Variants in CSTPP1 observed in about 807,000 individuals in gnomAD.
CSTPP1 encodes the protein UPF0705 protein C11orf49.
the CSTPP1 span, among the ~76,000 whole-genome samples, chr11:46,950,271 T>G: frequency 3.3e-5 from 5 of 150,970 alleles, no homozygotes; most frequent in Admixed American, 6.6e-5. Context: ...CCTCCCAGGT[T>G]CACGCCATTC....
chr11:47,090,409 G>C, the CSTPP1 span, among the ~76,000 whole-genome samples: 5 of 152,126 alleles, frequency 3.3e-5, no homozygotes, highest in Non-Finnish European at 1.5e-5. Context: ...AGGAAGTCAA[G>C]TAAGTTTGTG....
chr11:47,090,144 G>A, the CSTPP1 span, among the ~76,000 whole-genome samples: 3 of 152,114 alleles, frequency 2.0e-5, no homozygotes, highest in Admixed American at 1.3e-4. Context: ...ACCATGCCCA[G>A]CTAATTTTTT....
At chr11:47,100,101 A>G in the CSTPP1 span, among the ~76,000 whole-genome samples, 4 of 152,242 alleles carry the variant, frequency 2.6e-5, no homozygotes, top group Non-Finnish European at 4.4e-5. Flanking sequence ...TGCCTCTTCT[A>G]TAACATGAGT....
chr11:47,155,136 T>C, the CSTPP1 span: 1 of 1,429,744 alleles, frequency 7.0e-7, no homozygotes. Flanking sequence ...CTTAAACCTC[T>C]CCCCCATTCT....
the CSTPP1 span, among the ~76,000 whole-genome samples, chr11:47,003,324 C>G: frequency 6.6e-6 from 1 of 152,124 alleles, no homozygotes; most frequent in African/African-American, 2.4e-5. Context: ...GCACCTTTAA[C>G]CAGAAGATCT....
chr11:47,110,266 C>T, the CSTPP1 span, among the ~76,000 whole-genome samples: 3 of 152,300 alleles, frequency 2.0e-5, no homozygotes, highest in Non-Finnish European at 4.4e-5. Context: ...CAGAATCTAG[C>T]ACAGTCCCTG....
the CSTPP1 span, among the ~76,000 whole-genome samples, chr11:47,046,848 T>C: frequency 6.6e-6 from 1 of 150,822 alleles, no homozygotes; most frequent in Admixed American, 6.6e-5. Context: ...GTATTTTTAG[T>C]AGAGATGGGG....
the CSTPP1 span, chr11:47,161,186 C>G: frequency 3.1e-6 from 5 of 1,614,104 alleles, no homozygotes; most frequent in Non-Finnish European, 4.2e-6. Context: ...AGAGCTGGAA[C>G]GGCTGTAAGT....
chr11:47,016,188 G>A, the CSTPP1 span, among the ~76,000 whole-genome samples: 8 of 151,986 alleles, frequency 5.3e-5, no homozygotes, highest in African/African-American at 1.7e-4. Context: ...GGGCATCTAC[G>A]AAAAACCTAT....
the CSTPP1 span, among the ~76,000 whole-genome samples, chr11:47,072,788 C>A: frequency 6.6e-6 from 1 of 151,826 alleles, no homozygotes; most frequent in South Asian, 2.1e-4. Flanking sequence ...GTGATCAGAG[C>A]CTTATGTATT....
the CSTPP1 span, chr11:46,987,384 A>G: frequency 8.1e-7 from 1 of 1,228,706 alleles, no homozygotes; most frequent in Non-Finnish European, 1.2e-6. Flanking sequence ...TACTTGAGGA[A>G]CAGAGCAGGA....
At chr11:47,152,745 C>T in the CSTPP1 span, among the ~76,000 whole-genome samples, 52,154 of 152,044 alleles carry the variant, frequency 0.34, 9,422 homozygotes, top group East Asian at 0.7. Context: ...AAATAAATAG[C>T]AAGTGGAAGT....
At chr11:47,044,789 G>T in the CSTPP1 span, among the ~76,000 whole-genome samples, 1 of 152,110 alleles carries the variant, frequency 6.6e-6, no homozygotes, top group East Asian at 1.9e-4. Flanking sequence ...TGCACCTGTA[G>T]TCCCAGCTAC....
At chr11:46,971,261 G>A in the CSTPP1 span, among the ~76,000 whole-genome samples, 4 of 152,204 alleles carry the variant, frequency 2.6e-5, no homozygotes, top group Admixed American at 2.0e-4. Context: ...AGAAAGGTAA[G>A]TTAACTAAAT....
At chr11:47,090,791 G>C in the CSTPP1 span, among the ~76,000 whole-genome samples, 2 of 152,296 alleles carry the variant, frequency 1.3e-5, no homozygotes, top group African/African-American at 4.8e-5. Context: ...TGTAATCCCA[G>C]CACTTTGGGA....
chr11:47,038,718 G>A, the CSTPP1 span, among the ~76,000 whole-genome samples: 1 of 124,712 alleles, frequency 8.0e-6, no homozygotes, highest in South Asian at 2.6e-4. Flanking sequence ...GGTGGCTCCC[G>A]GGCAGAGACG....
chr11:47,150,737 T>C, the CSTPP1 span, among the ~76,000 whole-genome samples: 1 of 148,364 alleles, frequency 6.7e-6, no homozygotes, highest in Non-Finnish European at 1.5e-5. Context: ...AGGGCATGAG[T>C]AAGGACAGCT....
the CSTPP1 span, among the ~76,000 whole-genome samples, chr11:46,965,933 G>A: frequency 2.2e-4 from 33 of 152,344 alleles, no homozygotes; most frequent in Admixed American, 1.9e-3. Context: ...GATTTATGCA[G>A]AAAATGGTGC....
the CSTPP1 span, among the ~76,000 whole-genome samples, chr11:46,966,366 G>A: frequency 6.6e-6 from 1 of 152,142 alleles, no homozygotes. Context: ...GAATCGAGAA[G>A]CTCTCAGGCT....
Sources: allele counts gnomAD v4.1 joint callset (sites outside exome capture counted in the v4.1 genomes callset), GRCh38; gene constraint gnomAD v4.1.1; transcripts MANE v1.5; gene names NCBI Gene and HGNC (gene_info 2026-07-23, HGNC 2026-07-21).